The following HPSE2 variants were observed in gnomAD, a reference collection of about 807,000 sequenced individuals.
The protein encoded by HPSE2 is inactive heparanase-2.
A neutral mutation model predicts 60.5 loss-of-function variants in HPSE2; 38 were observed. That is an observed-to-expected ratio of 0.63 (90% CI 0.48 to 0.82). HPSE2 has a LOEUF of 0.82. HPSE2 is among the 40% of genes least tolerant of loss of function. The probability of loss-of-function intolerance (pLI) is 0.00; values close to 1 mark genes in which losing one functional copy is unlikely to be tolerated. For synonymous variants in HPSE2, 295 were observed against 293.2 expected (o/e 1.01, Z -0.06); for missense variants, 713 against 740.4 (o/e 0.96, Z 0.43).
At chr10:98,651,891 C>A (rs1420947744) in intron 6 of HPSE2, among the ~76,000 whole-genome samples, 2 of 151,888 alleles carry the variant, frequency 1.3e-5, no homozygotes, top group African/African-American at 4.8e-5. Context: ...TCTGCCTCAG[C>A]CTCCCGAGTG....
intron 3 of HPSE2, among the ~76,000 whole-genome samples, chr10:99,119,295 C>T (rs1462962265): frequency 1.3e-5 from 2 of 152,072 alleles, no homozygotes; most frequent in African/African-American, 2.4e-5. Context: ...CATTGCTACA[C>T]CAACAGTCAA....
intron 5 of HPSE2, 39 bp downstream of exon 5, chr10:98,721,618 T>C: frequency 3.8e-6 from 6 of 1,566,262 alleles, no homozygotes; most frequent in Non-Finnish European, 4.4e-6. Context: ...ATTCATTAAA[T>C]GAACAATGTC....
chr10:98,520,471 T>A (rs1005718493), intron 9 of HPSE2, among the ~76,000 whole-genome samples: 2 of 152,154 alleles, frequency 1.3e-5, no homozygotes, highest in African/African-American at 4.8e-5. Flanking sequence ...AAGCGTAGAC[T>A]ATACTGTCTA....
At chr10:98,806,773 T>C (rs1320955642) in intron 3 of HPSE2, among the ~76,000 whole-genome samples, 1 of 152,242 alleles carries the variant, frequency 6.6e-6, no homozygotes, top group Non-Finnish European at 1.5e-5. Context: ...ATGTTGCATA[T>C]GTTTAAATTT....
At chr10:99,066,754 C>T (rs116262405) in intron 3 of HPSE2, among the ~76,000 whole-genome samples, 4,154 of 152,180 alleles carry the variant, frequency 0.027, 191 homozygotes, top group African/African-American at 0.094. Context: ...CACAGCTAAA[C>T]CATATCATTC....
chr10:99,283,089 G>A, the HPSE2 span, among the ~76,000 whole-genome samples: 1 of 152,060 alleles, frequency 6.6e-6, no homozygotes, highest in East Asian at 1.9e-4. Context: ...GGGAGTCTGA[G>A]GCAGGAGAAT....
At chr10:99,078,041 T>C (rs1054463982) in intron 3 of HPSE2, among the ~76,000 whole-genome samples, 4 of 152,128 alleles carry the variant, frequency 2.6e-5, no homozygotes, top group Non-Finnish European at 5.9e-5. Flanking sequence ...TCCCGTTCCA[T>C]GTGATATGGG....
intron 4 of HPSE2, among the ~76,000 whole-genome samples, chr10:98,723,834 G>A (rs569667702): frequency 2.8e-4 from 43 of 152,006 alleles, no homozygotes; most frequent in South Asian, 2.7e-3. Context: ...TTTTTATTGC[G>A]TCTATTTGAT....
At chr10:98,952,328 GTGT>G (rs1955385889) in intron 3 of HPSE2, among the ~76,000 whole-genome samples, 2 of 149,916 alleles carry the variant, frequency 1.3e-5, no homozygotes, top group Non-Finnish European at 3.0e-5. Context: ...GTGTGTGTGT[GTGT>G]GTGTGTGTGT....
At chr10:99,053,048 A>C (rs1564768085) in intron 3 of HPSE2, among the ~76,000 whole-genome samples, 3 of 151,842 alleles carry the variant, frequency 2.0e-5, no homozygotes, top group Non-Finnish European at 4.4e-5. Flanking sequence ...TGAAAAAAAA[A>C]CAAACTGCCT....
intron 3 of HPSE2, among the ~76,000 whole-genome samples, chr10:99,129,810 A>C (rs1267805182): frequency 2.6e-5 from 1 of 38,902 alleles, no homozygotes; most frequent in Non-Finnish European, 9.4e-5. Context: ...AATTGAAACC[A>C]AAAAAAAAAA....
At chr10:98,599,699 GTTC>G (rs1383405828) in intron 9 of HPSE2, among the ~76,000 whole-genome samples, 1 of 152,138 alleles carries the variant, frequency 6.6e-6, no homozygotes, top group Non-Finnish European at 1.5e-5. Flanking sequence ...GTATAAAACT[GTTC>G]TTCCTTCCAT....
chr10:99,019,536 A>G (rs746020488), intron 3 of HPSE2, among the ~76,000 whole-genome samples: 2 of 152,180 alleles, frequency 1.3e-5, no homozygotes, highest in Non-Finnish European at 2.9e-5. Context: ...GGTTTTTAAG[A>G]TAAGTACATA....
intron 3 of HPSE2, among the ~76,000 whole-genome samples, chr10:99,143,353 A>C (rs1449212750): frequency 1.3e-5 from 2 of 152,212 alleles, no homozygotes; most frequent in Non-Finnish European, 2.9e-5. Flanking sequence ...TCTGTAAAAA[A>C]AAAAGTTAAA....
At chr10:98,603,300 C>A (rs1945480587) in intron 9 of HPSE2, among the ~76,000 whole-genome samples, 1 of 152,104 alleles carries the variant, frequency 6.6e-6, no homozygotes, top group South Asian at 2.1e-4. Context: ...TTGGGAAAAC[C>A]CCCATATTTT....
intron 9 of HPSE2, among the ~76,000 whole-genome samples, chr10:98,557,966 G>C (rs773259902): frequency 6.6e-6 from 1 of 152,126 alleles, no homozygotes; most frequent in Non-Finnish European, 1.5e-5. Context: ...CAGACAGTTT[G>C]ATAGAAAAAT....
At chr10:99,174,316 T>C (rs2133810887) in intron 2 of HPSE2, among the ~76,000 whole-genome samples, 1 of 152,244 alleles carries the variant, frequency 6.6e-6, no homozygotes, top group East Asian at 1.9e-4. Flanking sequence ...TTTGCTGGAG[T>C]TTTAAGAAAA....
intron 9 of HPSE2, among the ~76,000 whole-genome samples, chr10:98,507,187 G>A (rs755201613): frequency 1.3e-5 from 2 of 152,152 alleles, no homozygotes; most frequent in Non-Finnish European, 2.9e-5. Context: ...GGGGTAGTAA[G>A]GTAACTCATA....
intron 2 of HPSE2, among the ~76,000 whole-genome samples, chr10:99,169,084 T>C (rs1167616329): frequency 1.3e-5 from 2 of 150,256 alleles, no homozygotes; most frequent in African/African-American, 4.9e-5. Context: ...TCCCAGCTAC[T>C]CGGGAGGCTG....
Sources: gnomAD v4.1 joint callset for allele counts (sites outside exome capture counted in the v4.1 genomes callset) on GRCh38, gnomAD v4.1.1 for gene constraint, MANE v1.5 for transcripts, NCBI Gene and HGNC (gene_info 2026-07-23, HGNC 2026-07-21) for gene names.